CBLB: variants seen among roughly 807,000 people sequenced by gnomAD.
The protein encoded by CBLB is Cbl proto-oncogene B.
Under a neutral mutation model 104.9 loss-of-function variants are expected in CBLB, and 31 were observed. That is an observed-to-expected ratio of 0.30 (90% confidence interval 0.22 to 0.40). The LOEUF is 0.40. Ranked by LOEUF, CBLB falls within the 10% of genes least tolerant of loss-of-function variation. CBLB has a pLI of 1.00. For synonymous variants in CBLB, 440 were observed against 422.6 expected (o/e 1.04, Z -0.51); for missense variants, 1,062 against 1,214.6 (o/e 0.87, Z 1.87).
intron 16 of CBLB, chr3:105,681,277 A>C (rs938056849): frequency 1.0e-5 from 6 of 601,446 alleles, no homozygotes; most frequent in Non-Finnish European, 1.2e-5. Context: ...CTGATGCCCA[A>C]CTACTACACT....
intron 14 of CBLB, among the ~76,000 whole-genome samples, chr3:105,682,925 T>A (rs772425534): frequency 2.0e-5 from 3 of 152,218 alleles, no homozygotes; most frequent in Non-Finnish European, 2.9e-5. Context: ...TATAGCTCTA[T>A]AACAATCAAC....
Position 105,713,491 on chromosome 3 carries a change from G to C in CBLB, c.1407+6556C>G, listed in dbSNP as rs1450183752. On this transcript the variant is annotated intron_variant, in intron 10 of 18. Transcript: ENST00000394030. ...ATAAAGCATAGCCTGTGTCCTCAAG[G>C]AGCTGACAATCTACCTGAGGCAGTG... Among the ~76,000 whole-genome samples the C allele has an allele frequency of 2.6e-5, 4 of 152,086 alleles. No individual in the cohort carries two copies. In the East Asian group the frequency reaches 7.7e-4, roughly 29 times the overall value.
chr3:105,701,977 G>T (rs1445181719), intron 12 of CBLB, 117 bp downstream of exon 12: 10 of 1,043,484 alleles, frequency 9.6e-6, no homozygotes, highest in Non-Finnish European at 1.5e-5. Context: ...GATAATTAAA[G>T]ACTTACAGGG....
At chr3:105,737,032 T>C in intron 8 of CBLB, 139 bp downstream of exon 8, 1 of 425,392 alleles carries the variant, frequency 2.4e-6, no homozygotes, top group Non-Finnish European at 4.2e-6. Context: ...TAATTTCTCC[T>C]TAAACACTCT....
intron 10 of CBLB, among the ~76,000 whole-genome samples, chr3:105,707,084 T>A (rs1359766348): frequency 1.3e-5 from 2 of 152,194 alleles, no homozygotes; most frequent in Non-Finnish European, 2.9e-5. Flanking sequence ...TGATTTCAGA[T>A]GTGTTGAAGA....
At chr3:105,728,264 G>T (rs1159961009) in intron 9 of CBLB, among the ~76,000 whole-genome samples, 2 of 152,084 alleles carry the variant, frequency 1.3e-5, no homozygotes, top group African/African-American at 4.8e-5. Context: ...CTTCAGCAAA[G>T]TCTCAGGATA....
chr3:105,823,760 A>G (rs1316418498), intron 3 of CBLB, among the ~76,000 whole-genome samples: 1 of 152,076 alleles, frequency 6.6e-6, no homozygotes, highest in East Asian at 1.9e-4. Context: ...AGTAGCAACT[A>G]ATCTCTTGTG....
At chr3:105,840,423 T>C (rs2089369802) in intron 3 of CBLB, among the ~76,000 whole-genome samples, 1 of 150,692 alleles carries the variant, frequency 6.6e-6, no homozygotes, top group South Asian at 2.1e-4. Flanking sequence ...CCAGATGACA[T>C]ACAATATTAA....
intron 12 of CBLB, among the ~76,000 whole-genome samples, chr3:105,694,652 AG>A (rs1417218064): frequency 6.6e-6 from 1 of 151,874 alleles, no homozygotes; most frequent in African/African-American, 2.4e-5. Flanking sequence ...ATAAGAAACA[AG>A]TTTAAAGAAC....
At chr3:105,825,474 T>C (rs1017559141) in intron 3 of CBLB, among the ~76,000 whole-genome samples, 4 of 152,228 alleles carry the variant, frequency 2.6e-5, no homozygotes, top group Admixed American at 2.6e-4. Context: ...TGATATTTTA[T>C]GTTCACTCTC....
intron 17 of CBLB, among the ~76,000 whole-genome samples, chr3:105,675,916 A>T (rs1159361109): frequency 1.4e-5 from 2 of 146,816 alleles, no homozygotes; most frequent in Non-Finnish European, 3.0e-5. Context: ...GTCATAAAGG[A>T]TCTGGTACCA....
At chr3:105,857,105 C>A (rs1252162220) in intron 2 of CBLB, among the ~76,000 whole-genome samples, 1 of 152,152 alleles carries the variant, frequency 6.6e-6, no homozygotes, top group African/African-American at 2.4e-5. Context: ...GCTTCAAATT[C>A]ATTTCCTCTA....
intron 3 of CBLB, among the ~76,000 whole-genome samples, chr3:105,838,301 C>G (rs1054969184): frequency 9.4e-5 from 13 of 138,512 alleles, no homozygotes; most frequent in Admixed American, 2.4e-4. Context: ...CTCTCTGTTA[C>G]CCAGGCTCCT....
At chr3:105,696,500 C>T (rs1434695624) in intron 12 of CBLB, among the ~76,000 whole-genome samples, 1 of 151,714 alleles carries the variant, frequency 6.6e-6, no homozygotes, top group Non-Finnish European at 1.5e-5. Flanking sequence ...AACCTGTTTG[C>T]AAATGGTAAA....
chr3:105,689,376 C>T (rs930614545), intron 13 of CBLB, among the ~76,000 whole-genome samples: 1 of 150,686 alleles, frequency 6.6e-6, no homozygotes, highest in African/African-American at 2.4e-5. Context: ...CCTCCAACAA[C>T]AAAAAAACCT....
intron 6 of CBLB, among the ~76,000 whole-genome samples, chr3:105,741,094 G>GTTTT (rs1560039049): frequency 1.3e-4 from 7 of 53,588 alleles, no homozygotes; most frequent in Admixed American, 5.5e-4. Flanking sequence ...TAAAAATTAG[G>GTTTT]GTTTTTTTTT....
In CBLB at chr3:105,841,905, C is replaced by T. The variant is rs528500742; in HGVS notation, c.419+11509G>A. On this transcript the variant is annotated intron_variant, in intron 3 of 18. Coordinates refer to ENST00000394030, the MANE Select transcript of CBLB (RefSeq NM_170662.5). ...TTGGGGAGAAGTATCTATAGGTCTCCCACATTTTTTCATGTCTTGCAACCA... is the reference window on the plus strand; with the variant it reads ...TTGGGGAGAAGTATCTATAGGTCTCTCACATTTTTTCATGTCTTGCAACCA... Among the ~76,000 whole-genome samples, 12 of 152,020 alleles carry T rather than the reference C, an allele frequency of 7.9e-5. No individual in the cohort carries two copies. In the South Asian group the frequency reaches 2.5e-3, roughly 32 times the overall value.
At chr3:105,746,128 T>A in intron 5 of CBLB, 90 bp from the exon 6 acceptor site, 1 of 874,714 alleles carries the variant, frequency 1.1e-6, no homozygotes, top group East Asian at 2.7e-5. Context: ...ACACTTAACA[T>A]TATCTTGGAT....
At chr3:105,826,781 G>A (rs889347914) in intron 3 of CBLB, among the ~76,000 whole-genome samples, 1 of 152,128 alleles carries the variant, frequency 6.6e-6, no homozygotes, top group African/African-American at 2.4e-5. Flanking sequence ...TCCCATTACT[G>A]CTCCCAGGAC....
Sources: allele counts gnomAD v4.1 joint callset (sites outside exome capture counted in the v4.1 genomes callset), GRCh38; gene constraint gnomAD v4.1.1; transcripts MANE v1.5; gene names NCBI Gene and HGNC (gene_info 2026-07-23, HGNC 2026-07-21).